NTNG1: variants seen among roughly 807,000 people sequenced by gnomAD.
NTNG1 encodes netrin-G1.
A neutral mutation model predicts 54.0 loss-of-function variants in NTNG1; 16 were observed. The observed-to-expected ratio is 0.30, with a 90% CI of 0.20 to 0.45. The LOEUF is 0.45. Ranked by LOEUF, NTNG1 falls within the 20% of genes least tolerant of loss-of-function variation. The pLI, the probability that NTNG1 is intolerant of heterozygous loss-of-function variation, is 1.00. For missense variants in NTNG1, 530 were observed against 678.7 expected, an observed-to-expected ratio of 0.78 and a Z score of 2.43; for synonymous variants, 255 against 263.1, an observed-to-expected ratio of 0.97 and a Z score of 0.30.
chr1:107,359,145 G>A (rs1670115613), intron 3 of NTNG1, among the ~76,000 whole-genome samples: 1 of 152,218 alleles, frequency 6.6e-6, no homozygotes, highest in Non-Finnish European at 1.5e-5. Flanking sequence ...CTGTTGGGGA[G>A]AACGGGTCTG....
At chr1:107,231,460 T>G (rs996655423) in intron 2 of NTNG1, among the ~76,000 whole-genome samples, 1 of 152,232 alleles carries the variant, frequency 6.6e-6, no homozygotes, top group Non-Finnish European at 1.5e-5. Flanking sequence ...CAATTCCATG[T>G]GTCTTCTCAA....
At chr1:107,435,569 A>G (rs1320519271) in intron 6 of NTNG1, among the ~76,000 whole-genome samples, 1 of 152,160 alleles carries the variant, frequency 6.6e-6, no homozygotes, top group East Asian at 1.9e-4. Flanking sequence ...TCAAACCCCT[A>G]GACCCATCTA....
chr1:107,188,635 C>T (rs1335441436), intron 2 of NTNG1, among the ~76,000 whole-genome samples: 2 of 152,070 alleles, frequency 1.3e-5, no homozygotes, highest in Admixed American at 1.3e-4. Flanking sequence ...TGCTTGAAAT[C>T]ATATGAATAA....
intron 2 of NTNG1, among the ~76,000 whole-genome samples, chr1:107,174,445 C>T (rs918533919): frequency 6.6e-6 from 1 of 151,868 alleles, no homozygotes; most frequent in South Asian, 2.1e-4. Context: ...CTCCTTCTGC[C>T]CTGATCCTTT....
chr1:107,376,561 G>T (rs760071485), intron 3 of NTNG1, among the ~76,000 whole-genome samples: 2 of 152,174 alleles, frequency 1.3e-5, no homozygotes, highest in South Asian at 4.1e-4. Flanking sequence ...TGAGGAGCCT[G>T]AGATCCTACC....
intron 7 of NTNG1, among the ~76,000 whole-genome samples, chr1:107,454,269 G>C (rs973552201): frequency 5.9e-5 from 9 of 152,162 alleles, no homozygotes; most frequent in Non-Finnish European, 1.2e-4. Context: ...AGGAACAAAT[G>C]TTTGTTCACT....
At chr1:107,332,104 G>C (rs923387128) in intron 3 of NTNG1, among the ~76,000 whole-genome samples, 11 of 151,920 alleles carry the variant, frequency 7.2e-5, no homozygotes, top group African/African-American at 2.4e-4. Context: ...CTGATTTGGA[G>C]CATATTTTTA....
At chr1:107,452,756 C>G (rs1676702917) in intron 7 of NTNG1, among the ~76,000 whole-genome samples, 1 of 152,148 alleles carries the variant, frequency 6.6e-6, no homozygotes, top group Middle Eastern at 3.2e-3. Flanking sequence ...AATACCTTTT[C>G]CAGAAACCAG....
chr1:107,406,901 G>A (rs1256616010), intron 4 of NTNG1, among the ~76,000 whole-genome samples: 1 of 152,148 alleles, frequency 6.6e-6, no homozygotes, highest in Non-Finnish European at 1.5e-5. Context: ...CCTGGCTTCT[G>A]AGCCCAGACT....
chr1:107,175,270 A>T (rs1347979248), intron 2 of NTNG1, among the ~76,000 whole-genome samples: 1 of 152,154 alleles, frequency 6.6e-6, no homozygotes, highest in Non-Finnish European at 1.5e-5. Flanking sequence ...ATCTACTGGT[A>T]TGTTATATCC....
intron 5 of NTNG1, among the ~76,000 whole-genome samples, chr1:107,419,013 T>G (rs1369973432): frequency 6.6e-6 from 1 of 152,044 alleles, no homozygotes; most frequent in Non-Finnish European, 1.5e-5. Context: ...AACCAACTGG[T>G]ACCTCAGTTG....
intron 5 of NTNG1, among the ~76,000 whole-genome samples, chr1:107,420,668 A>G (rs542698401): frequency 1.1e-4 from 16 of 152,142 alleles, no homozygotes; most frequent in East Asian, 9.7e-4. Flanking sequence ...TTCAACAAAA[A>G]TAGTCTAAAT....
intron 1 of NTNG1, among the ~76,000 whole-genome samples, chr1:107,142,895 G>A (rs979343084): frequency 2.6e-5 from 4 of 151,696 alleles, no homozygotes; most frequent in Admixed American, 6.6e-5. Context: ...TGCCTTACCC[G>A]CCTCCCTTTC....
intron 2 of NTNG1, among the ~76,000 whole-genome samples, chr1:107,242,615 C>T (rs745883018): frequency 5.9e-5 from 9 of 152,264 alleles, no homozygotes; most frequent in African/African-American, 1.2e-4. Context: ...ATACCTAAAG[C>T]TTTGGATTCA....
At chr1:107,427,393 C>T (rs185684663) in intron 5 of NTNG1, among the ~76,000 whole-genome samples, 1 of 152,150 alleles carries the variant, frequency 6.6e-6, no homozygotes, top group East Asian at 1.9e-4. Context: ...AATTATTAAA[C>T]TATTAATATC....
intron 2 of NTNG1, among the ~76,000 whole-genome samples, chr1:107,248,252 G>A (rs974431138): frequency 5.3e-5 from 8 of 152,126 alleles, no homozygotes; most frequent in African/African-American, 1.7e-4. Context: ...CATTCTGTTT[G>A]GGGTCTTGAC....
At chr1:107,336,533 A>G (rs1668589630) in intron 3 of NTNG1, among the ~76,000 whole-genome samples, 1 of 151,972 alleles carries the variant, frequency 6.6e-6, no homozygotes, top group Non-Finnish European at 1.5e-5. Flanking sequence ...AGAAAAAAAC[A>G]AAGGAAGAAA....
intron 2 of NTNG1, among the ~76,000 whole-genome samples, chr1:107,212,965 C>T (rs1557814350): frequency 6.6e-6 from 1 of 151,966 alleles, no homozygotes; most frequent in Non-Finnish European, 1.5e-5. Context: ...CAGGGCAATG[C>T]TGCCAATTCC....
At chr1:107,198,012 T>G (rs1658466974) in intron 2 of NTNG1, among the ~76,000 whole-genome samples, 1 of 151,992 alleles carries the variant, frequency 6.6e-6, no homozygotes, top group African/African-American at 2.4e-5. Context: ...ATGTCAAAGG[T>G]AGATTCTAGT....
Sources: allele counts gnomAD v4.1 joint callset (sites outside exome capture counted in the v4.1 genomes callset), GRCh38; gene constraint gnomAD v4.1.1; transcripts MANE v1.5; gene names NCBI Gene and HGNC (gene_info 2026-07-23, HGNC 2026-07-21).